The following UBR1 variants were observed in gnomAD, a reference collection of about 807,000 sequenced individuals.
The protein encoded by UBR1 is ubiquitin protein ligase E3 component n-recognin 1.
In UBR1, 102 loss-of-function variants were observed where a neutral mutation model predicts 242.1. The ratio of observed to expected loss-of-function variants is 0.42; its 90% CI spans 0.36 to 0.50. UBR1 has a LOEUF of 0.50. UBR1 is among the 20% of genes least tolerant of loss of function. UBR1 has a pLI of 0.01. For synonymous variants in UBR1, 675 were observed against 684.8 expected (o/e 0.99, Z 0.22); for missense variants, 1,772 against 2,101.8 (o/e 0.84, Z 3.07).
intron 29 of UBR1, 110 bp from the exon 30 acceptor site, chr15:43,007,394 A>G: frequency 1.0e-6 from 1 of 970,572 alleles, no homozygotes; most frequent in East Asian, 2.6e-5. Flanking sequence ...GATAATAAAA[A>G]TAAAAATGAT....
At chr15:43,069,243 T>C (rs770225610) in intron 5 of UBR1, among the ~76,000 whole-genome samples, 2 of 152,070 alleles carry the variant, frequency 1.3e-5, no homozygotes, top group Admixed American at 6.5e-5. Context: ...TCACAAGATA[T>C]GTAAAAACAG....
chr15:43,035,508 T>C (rs1411983889), intron 19 of UBR1, among the ~76,000 whole-genome samples: 2 of 151,362 alleles, frequency 1.3e-5, no homozygotes, highest in African/African-American at 4.9e-5. Flanking sequence ...TTTGAGTTCA[T>C]TGTAGATTCT....
intron 44 of UBR1, among the ~76,000 whole-genome samples, chr15:42,954,939 T>C (rs995708934): frequency 4.0e-5 from 6 of 151,742 alleles, no homozygotes; most frequent in Admixed American, 1.3e-4. Context: ...GAGGCTGAAG[T>C]GGGTGGATCA....
Position 43,047,142 on chromosome 15 carries a change from A to T in UBR1, c.1668+19T>A. The T allele has an allele frequency of 3.7e-6, 6 of 1,614,008 alleles. No individual in the cohort carries two copies. Among genetic ancestry groups the T allele is most frequent in the Non-Finnish European group, 5.1e-6 (6 of 1,179,938 alleles). ...AAGAACTTAAAAAGGCACTGATCCT[A>T]CTAACAAATTTTACTTACATCACAA... On this transcript the variant is annotated intron_variant, in intron 14 of 46. Transcript: ENST00000290650.
chr15:43,070,839 A>G lies in UBR1; in HGVS notation c.615T>C (p.Thr205=). The change falls in exon 5 of 47, where the codon ACT becomes ACC. Residue 205 remains threonine, a synonymous_variant. Coordinates refer to ENST00000290650, the MANE Select transcript of UBR1 (RefSeq NM_174916.3). ...PSVIKYVVEM[T]IWEEEKELPP... ...GCAGTTCTTTTTCCTCTTCCCATATAGTCATTTCTACGACATATTTTATCA... is the reference window on the plus strand; with the variant it reads ...GCAGTTCTTTTTCCTCTTCCCATATGGTCATTTCTACGACATATTTTATCA... The G allele has an allele frequency of 6.2e-7, 1 of 1,613,858 alleles. No individual in the cohort carries two copies. The highest frequency in any genetic ancestry group is 8.5e-7 in the Non-Finnish European group (1 of 1,179,984).
rs1382517750 is a variant in UBR1 at position 43,026,664 on chromosome 15, C to T, written c.2433-1G>A. 6.2e-7 allele frequency: 1 copy of T among 1,610,254 alleles called. No individual in the cohort carries two copies. The highest frequency in any genetic ancestry group is 1.3e-5 in the African/African-American group (1 of 74,712). On this transcript the variant is annotated splice_acceptor_variant, in intron 22 of 46. Transcript: ENST00000290650. LOFTEE classifies it high-confidence loss of function. ...TCCATGGCCTGATACACCTGGTTTC[C>T]TAAATAGATGGAAAATACAAGATGA...
intron 42 of UBR1, among the ~76,000 whole-genome samples, chr15:42,962,942 T>G (rs1272009138): frequency 6.6e-6 from 1 of 152,174 alleles, no homozygotes; most frequent in African/African-American, 2.4e-5. Context: ...GAGAGAAGAC[T>G]TTCAGACAAG....
chr15:43,004,087 G>C (rs1239330499), intron 30 of UBR1, among the ~76,000 whole-genome samples, 157 bp from the exon 31 acceptor site: 2 of 152,152 alleles, frequency 1.3e-5, no homozygotes, highest in Admixed American at 6.5e-5. Flanking sequence ...TAACAAAAGA[G>C]AAAAGCATAA....
chr15:42,986,760 C>T (rs1205518476), intron 35 of UBR1, among the ~76,000 whole-genome samples: 2 of 152,322 alleles, frequency 1.3e-5, no homozygotes, highest in Middle Eastern at 3.4e-3. Context: ...TATTCAGTCA[C>T]ATCCCCACCC....
chr15:42,993,091 T>C (rs2032580555), intron 33 of UBR1, among the ~76,000 whole-genome samples: 1 of 152,200 alleles, frequency 6.6e-6, no homozygotes, highest in Admixed American at 6.5e-5. Context: ...GGGCTTCTTT[T>C]CCTGATCCTC....
At chr15:43,065,239 T>A (rs2141342359) in intron 6 of UBR1, among the ~76,000 whole-genome samples, 1 of 152,318 alleles carries the variant, frequency 6.6e-6, no homozygotes, top group African/African-American at 2.4e-5. Context: ...CATTTCACTT[T>A]CTTTTTCTTC....
At chr15:43,095,839 A>G (rs2034153161) in intron 1 of UBR1, among the ~76,000 whole-genome samples, 1 of 152,240 alleles carries the variant, frequency 6.6e-6, no homozygotes, top group African/African-American at 2.4e-5. Context: ...GCATCCAAAG[A>G]AAGGATGGGC....
intron 33 of UBR1, among the ~76,000 whole-genome samples, chr15:42,994,096 G>T (rs1471441982): frequency 6.6e-6 from 1 of 152,098 alleles, no homozygotes; most frequent in Non-Finnish European, 1.5e-5. Context: ...ACATGGAACA[G>T]TATTTTAAAA....
intron 33 of UBR1, among the ~76,000 whole-genome samples, chr15:42,997,426 T>TC (rs889951256): frequency 6.6e-6 from 1 of 151,958 alleles, no homozygotes; most frequent in Non-Finnish European, 1.5e-5. Context: ...CCCAAAACCA[T>TC]CCCCCTCATC....
intron 43 of UBR1, among the ~76,000 whole-genome samples, chr15:42,958,347 T>C (rs1454091189): frequency 6.6e-6 from 1 of 152,220 alleles, no homozygotes; most frequent in African/African-American, 2.4e-5. Context: ...TTCTGTACTG[T>C]ATAGGGAAGT....
At chr15:43,001,920 T>C (rs994814749) in intron 32 of UBR1, among the ~76,000 whole-genome samples, 8 of 152,232 alleles carry the variant, frequency 5.3e-5, no homozygotes, top group Non-Finnish European at 1.2e-4. Flanking sequence ...CTGGCAACTC[T>C]AATGATGGCA....
chr15:43,045,062 A>T (rs1350858134), intron 14 of UBR1, among the ~76,000 whole-genome samples: 1 of 152,226 alleles, frequency 6.6e-6, no homozygotes, highest in Non-Finnish European at 1.5e-5. Context: ...GATTTCCCAT[A>T]TGGATGAATT....
chr15:42,953,479 C>T (rs1338982269), intron 44 of UBR1, among the ~76,000 whole-genome samples: 2 of 152,176 alleles, frequency 1.3e-5, no homozygotes, highest in Admixed American at 6.6e-5. Flanking sequence ...AAACAAAAAA[C>T]ACCTGTCTCC....
intron 46 of UBR1, among the ~76,000 whole-genome samples, chr15:42,948,009 G>C (rs928950279): frequency 6.6e-5 from 10 of 152,168 alleles, no homozygotes; most frequent in African/African-American, 2.4e-4. Flanking sequence ...AAAGCTGGAG[G>C]CATCACGCTA....
Sources: gnomAD v4.1 joint callset for allele counts (sites outside exome capture counted in the v4.1 genomes callset) on GRCh38, gnomAD v4.1.1 for gene constraint, MANE v1.5 for transcripts, NCBI Gene and HGNC (gene_info 2026-07-23, HGNC 2026-07-21) for gene names.